Variants in CTNNA2 observed in about 807,000 individuals in gnomAD.
CTNNA2 encodes the protein catenin alpha 2.
In CTNNA2, 42 loss-of-function variants were observed where a neutral mutation model predicts 101.0. The observed-to-expected ratio is 0.42, with a 90% CI of 0.32 to 0.54. The LOEUF (loss-of-function observed/expected upper bound fraction) is 0.54, where lower values mean the gene tolerates loss of function less well. Among genes scored for constraint, CTNNA2 ranks in the 20% least tolerant of loss-of-function variants. The pLI is 0.14. For missense variants in CTNNA2, 871 were observed against 1,223.1 expected, an observed-to-expected ratio of 0.71 and a Z score of 4.29; for synonymous variants, 450 against 456.4, an observed-to-expected ratio of 0.99 and a Z score of 0.18.
chr2:79,365,645 GA>G (rs891233672), intron 3 of CTNNA2, among the ~76,000 whole-genome samples: 191 of 137,866 alleles, frequency 1.4e-3, no homozygotes, highest in Middle Eastern at 3.8e-3. Flanking sequence ...GGAGAAAAAG[GA>G]AAAAAAAAAA....
intron 4 of CTNNA2, among the ~76,000 whole-genome samples, chr2:79,385,684 G>GC (rs982626179): frequency 1.3e-5 from 2 of 151,200 alleles, no homozygotes; most frequent in Non-Finnish European, 2.9e-5. Context: ...CCCTCCCCTT[G>GC]CCCACCACCC....
At chr2:79,231,813 TGTG>T (rs143519634) in intron 2 of CTNNA2, among the ~76,000 whole-genome samples, 12,525 of 152,124 alleles carry the variant, frequency 0.082, 685 homozygotes, top group East Asian at 0.18. Flanking sequence ...TCATTTCGTT[TGTG>T]GTTATTATAA....
intron 2 of CTNNA2, among the ~76,000 whole-genome samples, chr2:79,219,557 T>G (rs1674315187): frequency 6.6e-6 from 1 of 152,178 alleles, no homozygotes; most frequent in Admixed American, 6.5e-5. Context: ...AAGGATCTGC[T>G]TGTACGCAGG....
chr2:79,455,422 A>T (rs1670808282), intron 4 of CTNNA2, among the ~76,000 whole-genome samples: 1 of 152,102 alleles, frequency 6.6e-6, no homozygotes, highest in South Asian at 2.1e-4. Flanking sequence ...GGCTGGCTGC[A>T]TCCCATGGCC....
At chr2:79,394,085 C>T (rs950382749) in intron 4 of CTNNA2, among the ~76,000 whole-genome samples, 1 of 152,004 alleles carries the variant, frequency 6.6e-6, no homozygotes, top group Non-Finnish European at 1.5e-5. Flanking sequence ...TGAGTGGTCA[C>T]GTACACTCAC....
intron 3 of CTNNA2, among the ~76,000 whole-genome samples, chr2:79,857,305 T>C (rs1209027852): frequency 3.3e-5 from 5 of 152,270 alleles, no homozygotes; most frequent in African/African-American, 1.2e-4. Context: ...TGGCACTTAA[T>C]TACTGTATTC....
chr2:79,239,158 A>C (rs1338796006), intron 2 of CTNNA2, among the ~76,000 whole-genome samples: 1 of 152,024 alleles, frequency 6.6e-6, no homozygotes, highest in Non-Finnish European at 1.5e-5. Context: ...TATAGCCAAG[A>C]CAATTCTAAG....
chr2:80,558,486 GTATA>G (rs1167062976), intron 12 of CTNNA2, among the ~76,000 whole-genome samples: 1 of 61,634 alleles, frequency 1.6e-5, no homozygotes, highest in Non-Finnish European at 6.3e-5. Flanking sequence ...GTGTGTGTGT[GTATA>G]TATATATGTT....
At chr2:79,246,293 A>G (rs934000500) in intron 2 of CTNNA2, among the ~76,000 whole-genome samples, 4 of 152,174 alleles carry the variant, frequency 2.6e-5, no homozygotes, top group African/African-American at 9.7e-5. Context: ...GAAGGTCCAG[A>G]CCAGGGTACA....
At chr2:79,857,450 A>G (rs1681228529) in intron 3 of CTNNA2, among the ~76,000 whole-genome samples, 1 of 152,200 alleles carries the variant, frequency 6.6e-6, no homozygotes, top group Admixed American at 6.5e-5. Flanking sequence ...CATTTGTTTA[A>G]TTGGTTTAGT....
At chr2:80,114,252 G>A (rs915252804) in intron 7 of CTNNA2, among the ~76,000 whole-genome samples, 4 of 152,120 alleles carry the variant, frequency 2.6e-5, no homozygotes, top group Admixed American at 6.6e-5. Context: ...AATAGGAATC[G>A]GTTGGGTTCC....
chr2:79,787,379 A>G (rs945033729), intron 3 of CTNNA2, among the ~76,000 whole-genome samples: 3 of 151,282 alleles, frequency 2.0e-5, no homozygotes, highest in African/African-American at 7.3e-5. Context: ...GTAATACATA[A>G]TGCAGAAGAC....
chr2:79,292,712 A>T (rs1477100392), intron 2 of CTNNA2, among the ~76,000 whole-genome samples: 1 of 152,218 alleles, frequency 6.6e-6, no homozygotes, highest in Non-Finnish European at 1.5e-5. Context: ...TGAATTTGGG[A>T]TGGAATTAGA....
intron 15 of CTNNA2, chr2:80,602,089 G>A (rs1235285620): frequency 6.6e-6 from 1 of 151,984 alleles, no homozygotes; most frequent in Non-Finnish European, 1.5e-5. Flanking sequence ...TTTGATCTCA[G>A]AACTTCTATT....
chr2:79,604,959 C>T (rs1677788746), intron 1 of CTNNA2, among the ~76,000 whole-genome samples: 1 of 151,924 alleles, frequency 6.6e-6, no homozygotes, highest in African/African-American at 2.4e-5. Context: ...CAGCAGAATA[C>T]ACAGTGTCTG....
rs182189135 is a variant in CTNNA2, at chr2:80,538,445, C to G, written c.1291-6537C>G. On this transcript the variant is annotated intron_variant, in intron 9 of 18. Coordinates refer to ENST00000402739, the MANE Select transcript of CTNNA2 (RefSeq NM_001282597.3). ...TCCAGTTTCTGTTTTCTGCATATGA[C>G]TAGCCAATTTTCCCAGCACCATTTA... Among the ~76,000 whole-genome samples, 348 of 152,272 alleles carry G rather than the reference C, an allele frequency of 2.3e-3. 1 individual carries two copies. The highest frequency in any genetic ancestry group is 6.8e-3 in the African/African-American group (283 of 41,556).
At chr2:80,346,974 A>G (rs984529867) in intron 7 of CTNNA2, among the ~76,000 whole-genome samples, 17 of 152,334 alleles carry the variant, frequency 1.1e-4, no homozygotes, top group Middle Eastern at 6.8e-3. Context: ...ATGGGTGACC[A>G]TGCTTCCGCT....
chr2:79,804,204 A>G (rs1467293982), intron 3 of CTNNA2, among the ~76,000 whole-genome samples: 5 of 152,244 alleles, frequency 3.3e-5, no homozygotes, highest in Non-Finnish European at 7.3e-5. Context: ...TATTTATCAT[A>G]CAGTGACTAT....
At chr2:79,208,192 T>C (rs1373118657) in intron 2 of CTNNA2, among the ~76,000 whole-genome samples, 1 of 152,188 alleles carries the variant, frequency 6.6e-6, no homozygotes, top group East Asian at 1.9e-4. Flanking sequence ...TTTCTCCAAT[T>C]GCAATAGCCT....
Sources: allele counts gnomAD v4.1 joint callset (sites outside exome capture counted in the v4.1 genomes callset), GRCh38; gene constraint gnomAD v4.1.1; transcripts MANE v1.5; gene names NCBI Gene and HGNC (gene_info 2026-07-23, HGNC 2026-07-21).